The following SSX1 variants were observed in gnomAD, a reference collection of about 807,000 sequenced individuals.
SSX1 encodes protein SSX1.
SSX1 carries 58 observed loss-of-function variants against 14.6 expected under a neutral mutation model. The observed-to-expected ratio is 3.96, with a 90% CI of 3.21 to 4.93. SSX1 has a LOEUF of 4.93. Ranked by LOEUF, SSX1 falls within the 30% of genes most tolerant of loss-of-function variation. The pLI is 0.00. For missense variants in SSX1, 272 were observed against 143.1 expected (o/e 1.90, Z -4.60); for synonymous variants, 46 against 52.1 (o/e 0.88, Z 0.50).
intron 7 of SSX1, 132 bp downstream of exon 7, chrX:48,266,523 C>T: frequency 3.7e-6 from 4 of 1,094,985 alleles, no homozygotes; most frequent in Non-Finnish European, 5.0e-6. Flanking sequence ...AGCATTGAGG[C>T]TGAATGATGA....
Position 48,263,850 on chromosome X carries a change from A to G in SSX1, c.399A>G (p.Gln133=), listed in dbSNP as rs2059613691. The change falls in exon 6 of 8, where the codon CAA becomes CAG. Residue 133 remains glutamine (Q), a synonymous_variant. Transcript: ENST00000376919. ...SKGVSEASGP[Q]NDGKQLHPPG... Reference sequence around the variant, plus strand: ...GAGTGTCAGAAGCATCTGGCCCACAAAACGATGGGAAACAACTGCACCCCC... The same window carrying G: ...GAGTGTCAGAAGCATCTGGCCCACAGAACGATGGGAAACAACTGCACCCCC... 8.3e-7 allele frequency: 1 copy of G among 1,209,858 alleles called. No homozygotes were observed. Among genetic ancestry groups the G allele is most frequent in the African/African-American group, 1.7e-5 (1 of 57,183 alleles).
chrX:48,266,518 T>C, intron 7 of SSX1, 127 bp downstream of exon 7: 1 of 1,094,067 alleles, frequency 9.1e-7, no homozygotes, highest in South Asian at 2.0e-5. Flanking sequence ...TGTACAGCAT[T>C]GAGGCTGAAT....
At chrX:48,257,980 C>T (rs374909630) in intron 3 of SSX1, 120 bp downstream of exon 3, 5 of 500,410 alleles carry the variant, frequency 1.0e-5, no homozygotes, top group Admixed American at 4.0e-5. Flanking sequence ...AGGGAAAAAT[C>T]GCAAGGCAGC....
At chrX:48,263,244 A>G (rs1399094545) in intron 5 of SSX1, among the ~76,000 whole-genome samples, 1 of 111,115 alleles carries the variant, frequency 9.0e-6, no homozygotes, top group African/African-American at 3.3e-5. Flanking sequence ...GTGCCTCGGT[A>G]GGGTGGTATG....
chrX:48,258,611 A>T lies in SSX1; in HGVS notation c.260A>T (p.Asp87Val), dbSNP rs1556934958. 1 of 1,206,653 alleles carries T rather than the reference A, an allele frequency of 8.3e-7. No homozygotes were observed. Reference protein sequence around the residue: ...TDFQGNDFDNDHNRRIQVEHP... With the variant: ...TDFQGNDFDNVHNRRIQVEHP... ...TTCCAGGGGAATGATTTTGATAATG[A>T]CCATAACCGCAGGATTCAGGGTGAG... is the stretch of plus-strand genomic sequence containing the variant. Residue 87 changes from aspartate (D) to valine (V), a missense_variant, in exon 4 of 8, where the codon GAC becomes GTC. Coordinates refer to ENST00000376919, the MANE Select transcript of SSX1 (RefSeq NM_005635.4).
At chrX:48,264,191 T>C (rs2059615359) in intron 6 of SSX1, among the ~76,000 whole-genome samples, 1 of 112,359 alleles carries the variant, frequency 8.9e-6, no homozygotes. Flanking sequence ...TCATAGTTCG[T>C]AAATTGTTTG....
chrX:48,256,588 A>G (rs2059583098), intron 1 of SSX1, among the ~76,000 whole-genome samples: 2 of 105,790 alleles, frequency 1.9e-5, no homozygotes, highest in Admixed American at 1.1e-4. Context: ...GGCATGAGCC[A>G]CTGCGCCTGG....
intron 5 of SSX1, 102 bp downstream of exon 5, chrX:48,261,917 T>C (rs2059605439): frequency 6.3e-6 from 6 of 949,074 alleles, no homozygotes; most frequent in Non-Finnish European, 8.9e-6. Flanking sequence ...TCATTGCCTC[T>C]TTCTCCCCAT....
chrX:48,258,667 A>C (rs782480666), intron 4 of SSX1, 36 bp downstream of exon 4: 118 of 1,051,555 alleles, frequency 1.1e-4, no homozygotes, highest in Non-Finnish European at 1.5e-4. Context: ...AGGTCTCCTG[A>C]AGCCCAATTG....
Position 48,257,850 on chromosome X carries a change from G to A in SSX1, c.174G>A (p.Met58Ile), listed in dbSNP as rs782339083. ...ATATGAAGAGAAACTATAAGGCCAT[G>A]ACTAAACTAGGTAACAGAAAGTTCT... ...YVYMKRNYKA[M>I]TKLGFKVTLP... is the part of the protein sequence containing the mutation. The change falls in exon 3 of 8, where the codon ATG becomes ATA. Residue 58 changes from methionine (M) to isoleucine (I), a missense_variant. Coordinates refer to ENST00000376919, the MANE Select transcript of SSX1 (RefSeq NM_005635.4). The A allele has an allele frequency of 4.0e-5, 47 of 1,166,579 alleles. No homozygotes were observed. Among genetic ancestry groups the A allele is most frequent in the Non-Finnish European group, 5.3e-5 (46 of 861,541 alleles).
At chrX:48,256,465 T>TG (rs1391620420) in intron 1 of SSX1, among the ~76,000 whole-genome samples, 39 of 80,277 alleles carry the variant, frequency 4.9e-4, no homozygotes, top group East Asian at 2.3e-3. Context: ...GTTTTTTTTT[T>TG]TTTTTTTTTT....
chrX:48,258,960 A>G (rs1428404697), intron 4 of SSX1, among the ~76,000 whole-genome samples: 2 of 110,166 alleles, frequency 1.8e-5, no homozygotes, highest in Non-Finnish European at 3.8e-5. Flanking sequence ...AGCTTCAGTC[A>G]TGACTTGTTG....
rs148967170 is a variant in SSX1, at chrX:48,266,325, C to T, written c.505C>T (p.Arg169Cys). The T allele has an allele frequency of 1.4e-4, 173 of 1,208,073 alleles. No homozygotes were observed. The highest frequency in any genetic ancestry group is 1.1e-3 in the Admixed American group (49 of 45,681). ...RGKHAWTHRL[R>C]ERKQLVIYEE... ...GAAACATGCCTGGACCCACAGACTG[C>T]GTGAGAGAAAGCAGCTGGTGATTTA... Residue 169 changes from arginine to cysteine, a missense_variant, in exon 7 of 8, where the codon CGT (arginine) becomes TGT (cysteine). Physicochemically the swap from Arg to Cys is radical, Grantham distance 180. Coordinates refer to ENST00000376919, the MANE Select transcript of SSX1 (RefSeq NM_005635.4).
chrX:48,266,003 G>A (rs782738601), intron 6 of SSX1, among the ~76,000 whole-genome samples: 36 of 111,849 alleles, frequency 3.2e-4, no homozygotes, highest in African/African-American at 1.0e-3. Flanking sequence ...TAACAAATAC[G>A]TGCTGAATGA....
At chrX:48,259,956 G>T (rs1194735271) in intron 4 of SSX1, among the ~76,000 whole-genome samples, 1 of 102,620 alleles carries the variant, frequency 9.7e-6, no homozygotes, top group African/African-American at 3.6e-5. Flanking sequence ...TAGTCCTTTG[G>T]GTATATACCC....
intron 4 of SSX1, among the ~76,000 whole-genome samples, chrX:48,260,442 A>C (rs1170958478): frequency 1.6e-4 from 18 of 111,568 alleles, no homozygotes; most frequent in East Asian, 8.4e-4. Flanking sequence ...GCTGTGCAGA[A>C]GCTCTTTAGT....
In SSX1 at chrX:48,266,323, T is replaced by G. The variant is rs375620367; in HGVS notation, c.503T>G (p.Leu168Arg). The change falls in exon 7 of 8, where the codon CTG becomes CGG. Residue 168 changes from leucine (L) to arginine (R), a missense_variant. Coordinates refer to ENST00000376919, the MANE Select transcript of SSX1 (RefSeq NM_005635.4). ...GGGAAACATGCCTGGACCCACAGAC[T>G]GCGTGAGAGAAAGCAGCTGGTGATT... ...KRGKHAWTHR[L>R]RERKQLVIYE... 2.1e-5 allele frequency: 25 copies of G among 1,208,060 alleles called. No individual in the cohort carries two copies. The highest frequency in any genetic ancestry group is 2.6e-5 in the Non-Finnish European group (23 of 895,034).
chrX:48,266,375 A>G lies in SSX1; in HGVS notation c.555A>G (p.Glu185=). The G allele has an allele frequency of 8.3e-7, 1 of 1,208,533 alleles. No individual in the cohort carries two copies. The highest frequency in any genetic ancestry group is 3.0e-5 in the East Asian group (1 of 33,777). ...VIYEEISDPE[E]DDE is the part of the protein sequence containing the mutation. ...ATGAAGAGATCAGTGACCCTGAGGAAGATGACGAGTAACTCCGTAAGTGAA... is the reference window on the plus strand; with the variant it reads ...ATGAAGAGATCAGTGACCCTGAGGAGGATGACGAGTAACTCCGTAAGTGAA... Residue 185 remains glutamate (E), a synonymous_variant, in exon 7 of 8, where the codon GAA becomes GAG. Coordinates refer to ENST00000376919, the MANE Select transcript of SSX1 (RefSeq NM_005635.4).
At position 48,266,935 on chromosome X, in the gene SSX1, C is replaced by T. The variant is rs1172081746; in HGVS notation, c.*86C>T. On this transcript the variant is annotated 3_prime_UTR_variant, in exon 8 of 8. Transcript: ENST00000376919. ...AACATGGGCATGGCTGCGGCTCCCTCGTCATCAGGTGCATAGCAAGTGAAA... is the reference window on the plus strand; with the variant it reads ...AACATGGGCATGGCTGCGGCTCCCTTGTCATCAGGTGCATAGCAAGTGAAA... The T allele has an allele frequency of 1.3e-4, 129 of 1,010,788 alleles. 3 individuals are homozygous for T. The Admixed American group carries it at 2.3e-3, about 18-fold the overall frequency. The allele number at this position is 1,010,788 out of a possible 1,213,427, so 83.3% of individuals were successfully genotyped here. A position where few individuals can be genotyped will look rare whatever the true frequency, so the allele number is the denominator to read the frequency against.
Sources: allele counts gnomAD v4.1 joint callset (sites outside exome capture counted in the v4.1 genomes callset), GRCh38; gene constraint gnomAD v4.1.1; transcripts MANE v1.5; gene names NCBI Gene and HGNC (gene_info 2026-07-23, HGNC 2026-07-21).